The following LINGO2 variants were observed in gnomAD, a reference collection of about 807,000 sequenced individuals.
The protein encoded by LINGO2 is leucine-rich repeat and immunoglobulin-like domain-containing nogo receptor-interacting protein 2.
LINGO2 carries 14 observed loss-of-function variants against 30.6 expected under a neutral mutation model. That is an observed-to-expected ratio of 0.46 (90% CI 0.30 to 0.72). LINGO2 has a LOEUF of 0.72. Ranked by LOEUF, LINGO2 falls within the 30% of genes least tolerant of loss-of-function variation. The pLI is 0.07. For missense variants in LINGO2, 729 were observed against 751.7 expected, an observed-to-expected ratio of 0.97 and a Z score of 0.35; for synonymous variants, 317 against 288.5, an observed-to-expected ratio of 1.10 and a Z score of -1.00.
chr9:28,237,474 G>C (rs557631788), intron 4 of LINGO2, among the ~76,000 whole-genome samples: 1 of 152,028 alleles, frequency 6.6e-6, no homozygotes, highest in African/African-American at 2.4e-5. Flanking sequence ...CGAATGTAAA[G>C]AAACCAAACT....
the LINGO2 span, among the ~76,000 whole-genome samples, chr9:29,047,330 A>C: frequency 3.3e-5 from 5 of 152,204 alleles, no homozygotes; most frequent in Admixed American, 3.3e-4. Context: ...CATTAGAAAA[A>C]TGCAGATCAA....
intron 5 of LINGO2, among the ~76,000 whole-genome samples, chr9:27,969,645 TAGAA>T (rs1331367985): frequency 6.6e-6 from 1 of 152,112 alleles, no homozygotes. Context: ...AAAGAAGTGA[TAGAA>T]AGGGGATTCA....
chr9:27,943,349 T>C, downstream of LINGO2: 1 of 152,320 alleles, frequency 6.6e-6, no homozygotes, highest in Non-Finnish European at 1.5e-5. Flanking sequence ...TTTGCATTTT[T>C]GTTGTCTTCT....
chr9:29,142,127 C>A, the LINGO2 span, among the ~76,000 whole-genome samples: 1 of 151,782 alleles, frequency 6.6e-6, no homozygotes, highest in Non-Finnish European at 1.5e-5. Context: ...GCTCATGGAA[C>A]ATTCTCCAGG....
the LINGO2 span, among the ~76,000 whole-genome samples, chr9:28,879,731 G>A: frequency 6.6e-6 from 1 of 152,130 alleles, no homozygotes; most frequent in East Asian, 1.9e-4. Flanking sequence ...AGAAATGGTT[G>A]ACTTTAACAT....
chr9:28,699,817 A>C, the LINGO2 span, among the ~76,000 whole-genome samples: 12,721 of 151,852 alleles, frequency 0.084, 803 homozygotes, highest in Admixed American at 0.22. Context: ...ATGAGGACTG[A>C]GATAAGCCCT....
At position 28,457,336 on chromosome 9, in the gene LINGO2, G is replaced by A. The variant is rs141847135; in HGVS notation, c.-279+18604C>T. ...AATGCTGGCAAAGCACACAGTGAAGGCTTAAGTTAATTTAATGTGACTAAA... is the reference window on the plus strand; with the variant it reads ...AATGCTGGCAAAGCACACAGTGAAGACTTAAGTTAATTTAATGTGACTAAA... On this transcript the variant is annotated intron_variant, in intron 2 of 5. Coordinates refer to ENST00000379992, the Ensembl canonical transcript of LINGO2. 1.2e-3 allele frequency among the ~76,000 whole-genome samples: 183 copies of A among 152,264 alleles called. 2 individuals carry two copies. Among genetic ancestry groups the A allele is most frequent in the African/African-American group, 4.2e-3 (176 of 41,556 alleles).
intron 4 of LINGO2, among the ~76,000 whole-genome samples, chr9:28,227,733 G>A (rs1821218446): frequency 6.6e-6 from 1 of 152,004 alleles, no homozygotes; most frequent in South Asian, 2.1e-4. Flanking sequence ...TTTTCCACCA[G>A]AGGGCTTTTG....
chr9:28,196,508 C>G (rs77696146), intron 4 of LINGO2, among the ~76,000 whole-genome samples: 1,873 of 151,558 alleles, frequency 0.012, 37 homozygotes, highest in African/African-American at 0.042. Flanking sequence ...ACAATGGAAA[C>G]AAAAAGGTAT....
At chr9:28,683,406 C>T in the LINGO2 span, among the ~76,000 whole-genome samples, 1 of 151,996 alleles carries the variant, frequency 6.6e-6, no homozygotes, top group South Asian at 2.1e-4. Context: ...GTGTTTCTTT[C>T]ATGGGATGAT....
the LINGO2 span, among the ~76,000 whole-genome samples, chr9:29,068,880 T>C: frequency 6.6e-6 from 1 of 151,934 alleles, no homozygotes; most frequent in Non-Finnish European, 1.5e-5. Flanking sequence ...GATTGTTTTT[T>C]TAACCATAAA....
rs914498708 is a variant in LINGO2 at position 28,325,758 on chromosome 9, C to T, written c.-245-30392G>A. On this transcript the variant is annotated intron_variant, in intron 3 of 5. Coordinates refer to ENST00000379992, the Ensembl canonical transcript of LINGO2. ...TTTTTCTTTATAAATTACCCAGTCT[C>T]GGGTATGCCTTTATAGGCAGTGTGA... Among the ~76,000 whole-genome samples the T allele has an allele frequency of 3.9e-5, 6 of 152,202 alleles. No individual in the cohort carries two copies. In the South Asian group the frequency reaches 8.3e-4, roughly 21 times the overall value.
chr9:28,809,211 T>C, the LINGO2 span, among the ~76,000 whole-genome samples: 1,493 of 152,336 alleles, frequency 9.8e-3, 29 homozygotes, highest in African/African-American at 0.034. Flanking sequence ...AACTTTTACA[T>C]GTACCAAAGT....
At chr9:28,819,046 T>G in the LINGO2 span, among the ~76,000 whole-genome samples, 1 of 152,146 alleles carries the variant, frequency 6.6e-6, no homozygotes, top group Non-Finnish European at 1.5e-5. Flanking sequence ...AGATGATAGA[T>G]CCATCTTTAG....
At chr9:28,326,050 A>C (rs1478797842) in intron 3 of LINGO2, among the ~76,000 whole-genome samples, 19 of 152,174 alleles carry the variant, frequency 1.2e-4, no homozygotes, top group Admixed American at 1.2e-3. Context: ...TCTGTCGCTT[A>C]GGCTGGAGTG....
At chr9:28,776,322 G>A in the LINGO2 span, among the ~76,000 whole-genome samples, 1 of 152,164 alleles carries the variant, frequency 6.6e-6, no homozygotes, top group East Asian at 1.9e-4. Context: ...GCTAGCCCAT[G>A]AATCAAATGA....
At chr9:27,947,036 A>G (rs187564547), downstream of LINGO2, among the ~76,000 whole-genome samples, 1 of 152,286 alleles carries the variant, frequency 6.6e-6, no homozygotes, top group East Asian at 1.9e-4. Context: ...TATGTCAAGA[A>G]GCAAACCCCA....
the LINGO2 span, among the ~76,000 whole-genome samples, chr9:29,079,196 C>G: frequency 6.6e-6 from 1 of 151,868 alleles, no homozygotes; most frequent in Admixed American, 6.6e-5. Context: ...GGAAGACAAG[C>G]ACCACATAAA....
intron 4 of LINGO2, among the ~76,000 whole-genome samples, chr9:28,108,547 G>A (rs1211589882): frequency 2.0e-5 from 3 of 152,032 alleles, no homozygotes; most frequent in Non-Finnish European, 4.4e-5. Context: ...GATAGGGAAG[G>A]GAAAGAAAAA....
Sources: allele counts gnomAD v4.1 joint callset (sites outside exome capture counted in the v4.1 genomes callset), GRCh38; gene constraint gnomAD v4.1.1; transcripts MANE v1.5; gene names NCBI Gene and HGNC (gene_info 2026-07-23, HGNC 2026-07-21).